The following RUFY3 variants were observed in gnomAD, a reference collection of about 807,000 sequenced individuals.
RUFY3 encodes the protein RUN and FYVE domain containing 3.
Under a neutral mutation model 84.0 loss-of-function variants are expected in RUFY3, and 34 were observed. The observed-to-expected ratio is 0.40, with a 90% confidence interval of 0.31 to 0.54. RUFY3 has a LOEUF of 0.54. Among genes scored for constraint, RUFY3 ranks in the 20% least tolerant of loss-of-function variants. The pLI is 0.39. For missense variants in RUFY3, 507 were observed against 736.8 expected, an observed-to-expected ratio of 0.69 and a Z score of 3.61; for synonymous variants, 242 against 252.9, an observed-to-expected ratio of 0.96 and a Z score of 0.41.
intron 8 of RUFY3, among the ~76,000 whole-genome samples, chr4:70,781,954 G>A (rs1485054093): frequency 2.6e-5 from 4 of 152,140 alleles, no homozygotes; most frequent in Admixed American, 2.6e-4. Flanking sequence ...AGATATAAAT[G>A]TTTCCCTGTA....
chr4:70,706,796 A>G (rs1051954859), intron 1 of RUFY3, among the ~76,000 whole-genome samples: 2 of 152,218 alleles, frequency 1.3e-5, no homozygotes, highest in Non-Finnish European at 2.9e-5. Context: ...TCATGGCAGA[A>G]GTGAGTCTTC....
At chr4:70,800,682 G>C (rs1049203642) in intron 15 of RUFY3, among the ~76,000 whole-genome samples, 6 of 152,110 alleles carry the variant, frequency 3.9e-5, no homozygotes, top group African/African-American at 1.4e-4. Context: ...TTAGAAGTTC[G>C]AGACCAGCCT....
At position 70,741,752 on chromosome 4, in the gene RUFY3, T is replaced by G. The variant is rs950330832; in HGVS notation, c.178+19001T>G. ...AAATTTTCTAACCACCTTTTAATTGTTTTCCGTAAGAGGAAATGTCAGCTT... is the reference window on the plus strand; with the variant it reads ...AAATTTTCTAACCACCTTTTAATTGGTTTCCGTAAGAGGAAATGTCAGCTT... On this transcript the variant is annotated intron_variant, in intron 1 of 17. Transcript: ENST00000381006. 7.8e-6 allele frequency: 9 copies of G among 1,154,218 alleles called. No individual in the cohort carries two copies. The Admixed American group carries it at 2.9e-4, about 37-fold the overall frequency. 71.5% of individuals were successfully genotyped at this position (1,154,218 alleles called of 1,614,324 possible).
At chr4:70,718,599 C>T (rs1319069512), upstream of RUFY3, among the ~76,000 whole-genome samples, 1 of 152,036 alleles carries the variant, frequency 6.6e-6, no homozygotes, top group Non-Finnish European at 1.5e-5. Context: ...AGTAATTACT[C>T]TGTATGTGAG....
chr4:70,776,150 C>T (rs1238105341), intron 7 of RUFY3, among the ~76,000 whole-genome samples: 2 of 152,156 alleles, frequency 1.3e-5, no homozygotes, highest in Non-Finnish European at 2.9e-5. Flanking sequence ...TCTGAAACCA[C>T]AGATAGTACC....
intron 1 of RUFY3, among the ~76,000 whole-genome samples, chr4:70,733,474 G>T (rs1196741232): frequency 2.0e-5 from 3 of 152,064 alleles, no homozygotes; most frequent in African/African-American, 7.2e-5. Flanking sequence ...CTCAGTAATT[G>T]TACCAGACAC....
At chr4:70,774,102 T>C (rs953920316) in intron 6 of RUFY3, among the ~76,000 whole-genome samples, 3 of 152,218 alleles carry the variant, frequency 2.0e-5, no homozygotes, top group African/African-American at 7.2e-5. Context: ...CTATTCTTTT[T>C]ATAAATTTAG....
Position 70,808,115 on chromosome 4 carries a change from C to G in RUFY3, c.*1456C>G, listed in dbSNP as rs1467724594. ...TATACCTAATAAAATACCTACACAT[C>G]ACTTCATTTGCATGGATTCAACATA... On this transcript the variant is annotated 3_prime_UTR_variant, in exon 18 of 18. Transcript: ENST00000381006. Among the ~76,000 whole-genome samples the G allele has an allele frequency of 6.6e-6, 1 of 152,196 alleles. No individual in the cohort carries two copies. The highest frequency in any genetic ancestry group is 1.5e-5 in the Non-Finnish European group (1 of 68,034).
At chr4:70,739,688 G>T (rs115187530) in intron 1 of RUFY3, among the ~76,000 whole-genome samples, 5 of 152,000 alleles carry the variant, frequency 3.3e-5, no homozygotes, top group Non-Finnish European at 5.9e-5. Flanking sequence ...AAACAAAGGC[G>T]AAGCATTTTT....
chr4:70,775,944 C>CAAAAAAA (rs11369578), intron 7 of RUFY3, among the ~76,000 whole-genome samples: 3 of 132,292 alleles, frequency 2.3e-5, no homozygotes, highest in Non-Finnish European at 4.6e-5. Context: ...CTGTCTTAAA[C>CAAAAAAA]AAAAAAAAAA....
At chr4:70,772,654 T>A (rs1016304708) in intron 5 of RUFY3, among the ~76,000 whole-genome samples, 6 of 152,124 alleles carry the variant, frequency 3.9e-5, no homozygotes, top group South Asian at 2.1e-4. Context: ...ATTTTTTTTT[T>A]ATTTTTTTAT....
At chr4:70,764,007 G>T (rs1334334594) in intron 3 of RUFY3, among the ~76,000 whole-genome samples, 1 of 152,170 alleles carries the variant, frequency 6.6e-6, no homozygotes, top group Non-Finnish European at 1.5e-5. Context: ...TGAGAGTCAA[G>T]ATTAAAACAG....
intron 1 of RUFY3, among the ~76,000 whole-genome samples, chr4:70,739,923 GGA>G (rs1721040293): frequency 6.6e-6 from 1 of 150,474 alleles, no homozygotes; most frequent in Admixed American, 6.6e-5. Context: ...CCCAGGAGGC[GGA>G]GGCTGCAGTG....
At chr4:70,787,187 AATAT>A (rs1202870337) in intron 10 of RUFY3, among the ~76,000 whole-genome samples, 2,115 of 81,274 alleles carry the variant, frequency 0.026, 56 homozygotes, top group South Asian at 0.05. Flanking sequence ...AAAAAAAAAA[AATAT>A]ATATATATAT....
At chr4:70,734,484 TGTAGCTTTTAATACA>T in intron 1 of RUFY3, 1 of 985,368 alleles carries the variant, frequency 1.0e-6, no homozygotes, top group Middle Eastern at 5.2e-4. Context: ...GTGAGAAGGT[TGTAGCTTTTAATACA>T]GTCTCAGAAG....
At chr4:70,765,209 G>GTGTATATATATATATATATATATATA (rs144995233) in intron 4 of RUFY3, among the ~76,000 whole-genome samples, 1 of 137,210 alleles carries the variant, frequency 7.3e-6, no homozygotes, top group Non-Finnish European at 1.6e-5. Context: ...AAAAAAATGT[G>GTGTATATATATATATATATATATATA]TATATATATA....
intron 1 of RUFY3, among the ~76,000 whole-genome samples, chr4:70,729,976 C>A (rs548472712): frequency 3.3e-4 from 49 of 149,730 alleles, no homozygotes; most frequent in Non-Finnish European, 5.3e-4. Flanking sequence ...CTCTTGTCAC[C>A]CAGGCTGGAA....
chr4:70,742,979 C>T (rs971131236), intron 1 of RUFY3, among the ~76,000 whole-genome samples: 6 of 152,198 alleles, frequency 3.9e-5, no homozygotes, highest in Non-Finnish European at 8.8e-5. Flanking sequence ...AGTTGATTGA[C>T]AGTTCACAGA....
intron 15 of RUFY3, among the ~76,000 whole-genome samples, chr4:70,802,144 T>G (rs531353276): frequency 1.3e-5 from 2 of 152,364 alleles, no homozygotes; most frequent in African/African-American, 2.4e-5. Flanking sequence ...TCATGTCTAC[T>G]GTTTTTAAGT....
Sources: gnomAD v4.1 joint callset for allele counts (sites outside exome capture counted in the v4.1 genomes callset) on GRCh38, gnomAD v4.1.1 for gene constraint, MANE v1.5 for transcripts, NCBI Gene and HGNC (gene_info 2026-07-23, HGNC 2026-07-21) for gene names.